COL16A1: variants seen among roughly 807,000 people sequenced by gnomAD.
COL16A1 encodes the protein collagen alpha-1(XVI) chain.
Under a neutral mutation model 266.3 loss-of-function variants are expected in COL16A1, and 189 were observed. The observed-to-expected ratio is 0.71, with a 90% confidence interval of 0.63 to 0.80. The LOEUF (loss-of-function observed/expected upper bound fraction) is 0.80. Ranked by LOEUF, COL16A1 falls within the 30% of genes least tolerant of loss-of-function variation. The probability of loss-of-function intolerance (pLI) is 0.00; values close to 1 mark genes in which losing one functional copy is unlikely to be tolerated. For missense variants in COL16A1, 1,928 were observed against 2,122.4 expected (o/e 0.91, Z 1.80); for synonymous variants, 740 against 782.3 (o/e 0.95, Z 0.90).
intron 4 of COL16A1, among the ~76,000 whole-genome samples, chr1:31,699,175 G>T (rs545340352): frequency 6.6e-6 from 1 of 152,312 alleles, no homozygotes; most frequent in South Asian, 2.1e-4. Flanking sequence ...CAGAGGCACT[G>T]CCTGCCTTCA....
In COL16A1 at chr1:31,653,973, C is replaced by A. The variant is rs1260218274; in HGVS notation, c.4428G>T (p.Gly1476=). The A allele has an allele frequency of 2.5e-6, 4 of 1,614,200 alleles. No homozygotes were observed. The highest frequency in any genetic ancestry group is 1.6e-4 in the Middle Eastern group (1 of 6,062). Reference sequence around the variant, plus strand: ...CCGGAGCACCATCCTTCCCTGGAGGCCCTGGTCGTCCCGGAGCTGCCGCCA... The same window carrying A: ...CCGGAGCACCATCCTTCCCTGGAGGACCTGGTCGTCCCGGAGCTGCCGCCA... ...MEMAAAPGRP[G]PPGKDGAPGR... is the part of the protein sequence containing the mutation. Residue 1476 remains glycine, a synonymous_variant, in exon 69 of 71, where the codon GGG becomes GGT. Transcript: ENST00000373672.
In COL16A1 at chr1:31,690,368, T is replaced by G; in HGVS notation, c.1508A>C (p.Lys503Thr). 2 of 1,613,964 alleles carry G rather than the reference T, an allele frequency of 1.2e-6. No individual in the cohort carries two copies. The highest frequency in any genetic ancestry group is 1.7e-6 in the Non-Finnish European group (2 of 1,180,008). Residue 503 changes from lysine to threonine, a missense_variant and splice_region_variant, in exon 22 of 71, where the codon AAG becomes ACG. Lys to Thr is a moderately conservative substitution (Grantham distance 78, BLOSUM62 -1). Coordinates refer to ENST00000373672, the MANE Select transcript of COL16A1 (RefSeq NM_001856.4). ...TGGGCAGCCAGGCCTAGGACTCACC[T>G]TCTCTCCCTTCACACCTGGCTTCCC... Reference protein sequence around the residue: ...KPGKPGVKGEKGDPCEVCPTL... With the variant: ...KPGKPGVKGETGDPCEVCPTL...
chr1:31,684,296 T>G (rs1274996287), intron 31 of COL16A1, 65 bp from the exon 32 acceptor site: 3 of 1,450,356 alleles, frequency 2.1e-6, no homozygotes, highest in East Asian at 5.0e-5. Context: ...CAGGACGCCC[T>G]GCACCCCTCT....
chr1:31,682,766 CA>C (rs1643735346), intron 37 of COL16A1, among the ~76,000 whole-genome samples, 167 bp downstream of exon 37: 1 of 152,222 alleles, frequency 6.6e-6, no homozygotes. Flanking sequence ...ATTATTCAAG[CA>C]TTCCCCTAAA....
chr1:31,654,180 TG>T, intron 68 of COL16A1, 137 bp from the exon 69 acceptor site: 1 of 1,320,778 alleles, frequency 7.6e-7, no homozygotes. Flanking sequence ...GCAAGGAGTA[TG>T]GGGGTGGGTC....
chr1:31,670,696 G>A lies in COL16A1; in HGVS notation c.3151-50C>T. On this transcript the variant is annotated intron_variant, in intron 48 of 70. Transcript: ENST00000373672. The surrounding 1 kb of genome is among the most constrained non-coding windows in gnomAD (Gnocchi z 4.5). Reference sequence around the variant, plus strand: ...CATCTCACAGGCACAGTAACCCTGGGACAGCCTGGAGGGCACAGTCTGGGG... The same window carrying A: ...CATCTCACAGGCACAGTAACCCTGGAACAGCCTGGAGGGCACAGTCTGGGG... 1 of 1,401,556 alleles carries A rather than the reference G, an allele frequency of 7.1e-7. No homozygotes were observed. Among genetic ancestry groups the A allele is most frequent in the Non-Finnish European group, 9.3e-7 (1 of 1,073,350 alleles). The allele number at this position is 1,401,556 out of a possible 1,614,324, so 86.8% of individuals were successfully genotyped here.
rs559905099 is a variant in COL16A1 at position 31,690,447 on chromosome 1, A to T, written c.1483-54T>A. ...TGCCAGGGCAGAGGGCTGGTGTGCC[A>T]ACTGAGGGCCGGAGGACCTAGCCCC... On this transcript the variant is annotated intron_variant, in intron 21 of 70. Transcript: ENST00000373672. 258 of 1,614,076 alleles carry T rather than the reference A, an allele frequency of 1.6e-4. 1 individual carries two copies. Among genetic ancestry groups the T allele is most frequent in the Non-Finnish European group, 2.1e-4 (246 of 1,180,036 alleles).
intron 64 of COL16A1, 110 bp downstream of exon 64, chr1:31,658,378 T>G: frequency 2.1e-6 from 2 of 948,844 alleles, no homozygotes; most frequent in Non-Finnish European, 3.2e-6. Flanking sequence ...CCTGCCATGC[T>G]GACAGCCTCT....
Position 31,666,088 on chromosome 1 carries a change from A to T in COL16A1, c.3358-7T>A. The T allele has an allele frequency of 6.2e-7, 1 of 1,608,258 alleles. No individual in the cohort carries two copies. Among genetic ancestry groups the T allele is most frequent in the Non-Finnish European group, 8.5e-7 (1 of 1,178,516 alleles). On this transcript the variant is annotated splice_region_variant and splice_polypyrimidine_tract_variant and intron_variant, in intron 52 of 70. Transcript: ENST00000373672. The stretch of plus-strand genomic sequence containing the variant: ...CTTCAGATCCTGGGGGGCCCTAAGG[A>T]TACAAAGGAACAGAATCAGTCACTC...
intron 33 of COL16A1, 69 bp from the exon 34 acceptor site, chr1:31,683,817 C>A: frequency 6.2e-7 from 1 of 1,611,746 alleles, no homozygotes; most frequent in Non-Finnish European, 8.5e-7. Context: ...TCCCCAGCCC[C>A]TTCTCCTCCA....
intron 43 of COL16A1, 74 bp from the exon 44 acceptor site, chr1:31,675,113 C>T: frequency 6.2e-7 from 1 of 1,611,252 alleles, no homozygotes; most frequent in Admixed American, 1.7e-5. Context: ...CAGGGAGAGC[C>T]TTGGGACACG....
chr1:31,671,405 A>C (rs1308123161), intron 48 of COL16A1, among the ~76,000 whole-genome samples: 1 of 152,182 alleles, frequency 6.6e-6, no homozygotes, highest in Non-Finnish European at 1.5e-5. Context: ...GCAGGACCGC[A>C]GGCAGTAGGC....
chr1:31,700,587 G>A (rs1446311780), intron 2 of COL16A1, among the ~76,000 whole-genome samples: 6 of 152,240 alleles, frequency 3.9e-5, no homozygotes, highest in Admixed American at 6.5e-5. Context: ...TGCACATTGT[G>A]TGTTATGTAC....
chr1:31,680,180 G>T, intron 39 of COL16A1, 79 bp from the exon 40 acceptor site: 1 of 1,545,648 alleles, frequency 6.5e-7, no homozygotes, highest in South Asian at 1.2e-5. Flanking sequence ...AGGCACGTGG[G>T]CTCTAGAGAT....
At chr1:31,662,516 C>T (rs1385326000) in intron 57 of COL16A1, 71 bp downstream of exon 57, 42 of 1,542,558 alleles carry the variant, frequency 2.7e-5, no homozygotes, top group Non-Finnish European at 3.6e-5. Context: ...CACAGGTGCA[C>T]ACACACACAT....
chr1:31,680,202 G>A, intron 39 of COL16A1, 101 bp from the exon 40 acceptor site: 2 of 1,507,368 alleles, frequency 1.3e-6, no homozygotes, highest in Non-Finnish European at 1.8e-6. Context: ...GAGAGGCCAG[G>A]GTTTCAATCC....
At position 31,698,042 on chromosome 1, in the gene COL16A1, C is replaced by G. The variant is rs1002445967; in HGVS notation, c.521G>C (p.Ser174Thr). 1.5e-5 allele frequency: 24 copies of G among 1,613,828 alleles called. No homozygotes were observed. The highest frequency in any genetic ancestry group is 3.3e-4 in the Middle Eastern group (2 of 6,084). Residue 174 changes from serine (S) to threonine (T), a missense_variant, in exon 6 of 71, where the codon AGT becomes ACT. Ser to Thr is a moderately conservative substitution (Grantham distance 58). Coordinates refer to ENST00000373672, the MANE Select transcript of COL16A1 (RefSeq NM_001856.4). This position sits in a 1 kb window ranked among gnomAD's most constrained non-coding sequence, Gnocchi z 4.1. ...FDLRWHKLML[S>T]VAGRVASVHV... ...CACAGAGGCCACACGTCCAGCCACACTCAGCATCAGCTTGTGCCAACGCAA... is the reference window on the plus strand; with the variant it reads ...CACAGAGGCCACACGTCCAGCCACAGTCAGCATCAGCTTGTGCCAACGCAA...
rs761498365 is a variant in COL16A1, at chr1:31,653,603, G to A, written c.4608C>T (p.Pro1536=). The A allele has an allele frequency of 6.2e-7, 1 of 1,613,656 alleles. No individual in the cohort carries two copies. Among genetic ancestry groups the A allele is most frequent in the South Asian group, 1.1e-5 (1 of 91,048 alleles). ...GIAGENGLPG[P]PGPQGPPGYG... is the part of the protein sequence containing the mutation. ...TCAAATGGTGGTATTTCCTACCTGG[G>A]GGGCCGGGAAGACCATTTTCTCCTG... The change falls in exon 70 of 71, where the codon CCC becomes CCT. Residue 1536 remains proline, a synonymous_variant. Transcript: ENST00000373672.
chr1:31,666,724 C>T (rs1416054663), intron 52 of COL16A1, among the ~76,000 whole-genome samples: 1 of 152,164 alleles, frequency 6.6e-6, no homozygotes, highest in Non-Finnish European at 1.5e-5. Context: ...ACAGGGATCC[C>T]TCCCTCCTGC....
Sources: gnomAD v4.1 joint callset for allele counts (sites outside exome capture counted in the v4.1 genomes callset) on GRCh38, gnomAD v4.1.1 for gene constraint, Gnocchi (gnomAD v3.1) non-coding constraint, MANE v1.5 for transcripts, NCBI Gene and HGNC (gene_info 2026-07-23, HGNC 2026-07-21) for gene names.